Variants in LMNA observed in about 807,000 individuals in gnomAD.
The protein encoded by LMNA is lamin.
In LMNA, 20 loss-of-function variants were observed where a neutral mutation model predicts 70.4. That is an observed-to-expected ratio of 0.28 (90% CI 0.20 to 0.41). LMNA has a LOEUF of 0.41. Among genes scored for constraint, LMNA ranks in the 10% least tolerant of loss-of-function variants. The pLI, the probability that LMNA is intolerant of heterozygous loss-of-function variation, is 1.00. For synonymous variants in LMNA, 339 were observed against 372.8 expected, an observed-to-expected ratio of 0.91 and a Z score of 1.04; for missense variants, 652 against 917.2, an observed-to-expected ratio of 0.71 and a Z score of 3.73.
chr1:156,124,652 T>G (rs672200), intron 1 of LMNA, among the ~76,000 whole-genome samples: 15,851 of 152,156 alleles, frequency 0.1, 1,512 homozygotes, highest in African/African-American at 0.25. Context: ...GGGAGGGGAA[T>G]TCTCCACATC....
chr1:156,100,076 G>A (rs1649090485), intron 3 of LMNA, among the ~76,000 whole-genome samples: 1 of 152,064 alleles, frequency 6.6e-6, no homozygotes, highest in Admixed American at 6.6e-5. Flanking sequence ...ATACCACTCA[G>A]GACCCCTCTG....
At position 156,139,697 on chromosome 1, in the gene LMNA, C is replaced by T. The variant is rs991925730; in HGVS notation, c.*591C>T. 1.3e-6 allele frequency: 2 copies of T among 1,524,098 alleles called. No homozygotes were observed. Among genetic ancestry groups the T allele is most frequent in the Non-Finnish European group, 1.8e-6 (2 of 1,141,630 alleles). The allele number at this position is 1,524,098 out of a possible 1,614,324, so 94.4% of individuals were successfully genotyped here. A position where few individuals can be genotyped will look rare whatever the true frequency, so the allele number is the denominator to read the frequency against. ...TGCCTGCCCCGCCCCCAGTCCCCAC[C>T]CCTGCCCCCAGCCCCGGGGTGAGTC... On this transcript the variant is annotated 3_prime_UTR_variant, in exon 12 of 12. Coordinates refer to ENST00000368300, the MANE Select transcript of LMNA (RefSeq NM_170707.4).
Position 156,138,807 on chromosome 1 carries a change from A to C in LMNA, c.1968+50A>C. On this transcript the variant is annotated intron_variant, in intron 11 of 11. Transcript: ENST00000368300. The surrounding 1 kb of genome is among the most constrained non-coding windows in gnomAD (Gnocchi z 5.5). ...AAATCCTGCAGGCGGGTCCCTGGTC[A>C]TCGAGGGGTAGGACGAGGTGGCCTT... 1.9e-6 allele frequency: 3 copies of C among 1,611,200 alleles called. No homozygotes were observed. Among genetic ancestry groups the C allele is most frequent in the Non-Finnish European group, 2.5e-6 (3 of 1,178,678 alleles).
chr1:156,137,077 G>C lies in LMNA; in HGVS notation c.1489-36G>C. 6.2e-7 allele frequency: 1 copy of C among 1,614,122 alleles called. No homozygotes were observed. The highest frequency in any genetic ancestry group is 8.5e-7 in the Non-Finnish European group (1 of 1,179,986). ...TCTGGGGAGGCCTTGGGTGGCGATG[G>C]GAGCGCTGGGGTAAGTGTCCTTTTC... On this transcript the variant is annotated intron_variant, in intron 8 of 11. Coordinates refer to ENST00000368300, the MANE Select transcript of LMNA (RefSeq NM_170707.4). The surrounding 1 kb of genome is among the most constrained non-coding windows in gnomAD (Gnocchi z 4.6).
In LMNA at chr1:156,115,582, A is replaced by C. The variant is rs1009111954; in HGVS notation, c.356+308A>C. ...TCGGTCAGATTGGGATTTGCCAACT[A>C]TTTGGAGCCGGGGGGAGGGGCTTGA... On this transcript the variant is annotated intron_variant, in intron 1 of 11. Transcript: ENST00000368300. This position sits in a 1 kb window ranked among gnomAD's most constrained non-coding sequence, Gnocchi z 5.8. Among the ~76,000 whole-genome samples the C allele has an allele frequency of 1.3e-5, 2 of 152,166 alleles. No individual in the cohort carries two copies. The highest frequency in any genetic ancestry group is 4.8e-5 in the African/African-American group (2 of 41,440).
rs1006976558 is a variant in LMNA at position 156,139,590 on chromosome 1, A to G, written c.*484A>G. ...ACTGCCAGGCCAGCCTCCGAGAGGG[A>G]GAGAGAGAGAGAGAGGACAGCTTGA... On this transcript the variant is annotated 3_prime_UTR_variant, in exon 12 of 12. Coordinates refer to ENST00000368300, the MANE Select transcript of LMNA (RefSeq NM_170707.4). 211 of 878,396 alleles carry G rather than the reference A, an allele frequency of 2.4e-4. No homozygotes were observed. The highest frequency in any genetic ancestry group is 2.8e-4 in the Non-Finnish European group (193 of 694,886). 54.4% of individuals were successfully genotyped at this position (878,396 alleles called of 1,614,324 possible).
chr1:156,088,962 TATTG>T (rs1336486337), intron 2 of LMNA, among the ~76,000 whole-genome samples: 3 of 152,236 alleles, frequency 2.0e-5, no homozygotes, highest in Non-Finnish European at 2.9e-5. Context: ...TATTTTATTT[TATTG>T]ATTAATTTAT....
chr1:156,102,119 G>C (rs966815255), intron 3 of LMNA, among the ~76,000 whole-genome samples: 1 of 152,252 alleles, frequency 6.6e-6, no homozygotes, highest in Non-Finnish European at 1.5e-5. Context: ...TCCTGGCTCA[G>C]AAATACCCTG....
In LMNA at chr1:156,138,203, T is replaced by G; in HGVS notation, c.1699-285T>G. On this transcript the variant is annotated intron_variant, in intron 10 of 11. Coordinates refer to ENST00000368300, the MANE Select transcript of LMNA (RefSeq NM_170707.4). This position sits in a 1 kb window ranked among gnomAD's most constrained non-coding sequence, Gnocchi z 5.5. The stretch of plus-strand genomic sequence containing the variant: ...CTGCTGCCCTACAAGCTTGCTCCCG[T>G]TCTCTCTTCTTTTCCTCTTAAGCTC... 1 of 566,336 alleles carries G rather than the reference T, an allele frequency of 1.8e-6. No individual in the cohort carries two copies. 35.1% of individuals were successfully genotyped at this position (566,336 alleles called of 1,614,324 possible).
chr1:156,128,898 C>A (rs1328558986), intron 1 of LMNA, among the ~76,000 whole-genome samples: 1 of 152,190 alleles, frequency 6.6e-6, no homozygotes, highest in Non-Finnish European at 1.5e-5. Flanking sequence ...CCAAGGAGCT[C>A]GGAATCTAAG....
Position 156,126,897 on chromosome 1 carries a change from C to T in LMNA, c.357-3720C>T, listed in dbSNP as rs760318158. ...CACCCGGCCTGGGGCAGGACACGGG[C>T]GAAGCCAGGGTCTCCCCTGTGAGCA... On this transcript the variant is annotated intron_variant, in intron 1 of 11. Coordinates refer to ENST00000368300, the MANE Select transcript of LMNA (RefSeq NM_170707.4). The T allele has an allele frequency of 7.1e-5, 114 of 1,607,814 alleles. No homozygotes were observed. The highest frequency in any genetic ancestry group is 1.1e-4 in the South Asian group (10 of 89,702).
chr1:156,128,081 C>T (rs1293973332), intron 1 of LMNA, among the ~76,000 whole-genome samples: 1 of 152,104 alleles, frequency 6.6e-6, no homozygotes, highest in Non-Finnish European at 1.5e-5. Flanking sequence ...CTGCGGGACC[C>T]TAGATATAGC....
In LMNA at chr1:156,136,843, G is replaced by A. The variant is rs1422762043; in HGVS notation, c.1381-78G>A. The A allele has an allele frequency of 2.5e-6, 3 of 1,208,972 alleles. No homozygotes were observed. The Admixed American group carries it at 5.9e-5, about 24-fold the overall frequency. The allele number at this position is 1,208,972 out of a possible 1,614,324, so 74.9% of individuals were successfully genotyped here. A position where few individuals can be genotyped will look rare whatever the true frequency, so the allele number is the denominator to read the frequency against. On this transcript the variant is annotated intron_variant, in intron 7 of 11. Coordinates refer to ENST00000368300, the MANE Select transcript of LMNA (RefSeq NM_170707.4). The surrounding 1 kb of genome is among the most constrained non-coding windows in gnomAD (Gnocchi z 6.1). ...AGGCCTCAATTGCAGGCAGGCAGAG[G>A]GCTGGGCCTTTGAGCAAGATACACC... is the stretch of plus-strand genomic sequence containing the variant.
chr1:156,116,509 G>A (rs973932128), intron 1 of LMNA, among the ~76,000 whole-genome samples: 6 of 152,096 alleles, frequency 3.9e-5, no homozygotes, highest in Non-Finnish European at 7.4e-5. Context: ...TTGGAGATCC[G>A]TAAAGGGCTG....
chr1:156,112,503 GGGCT>G (rs1371433476), upstream of LMNA, among the ~76,000 whole-genome samples: 4 of 152,190 alleles, frequency 2.6e-5, no homozygotes. Flanking sequence ...TGCCAGGGAG[GGGCT>G]GAGGCAGTGG....
chr1:156,135,002 C>G lies in LMNA; in HGVS notation c.810+27C>G. The G allele has an allele frequency of 6.2e-7, 1 of 1,614,012 alleles. No homozygotes were observed. Among genetic ancestry groups the G allele is most frequent in the South Asian group, 1.1e-5 (1 of 91,064 alleles). On this transcript the variant is annotated intron_variant, in intron 4 of 11. Coordinates refer to ENST00000368300, the MANE Select transcript of LMNA (RefSeq NM_170707.4). The surrounding 1 kb of genome is among the most constrained non-coding windows in gnomAD (Gnocchi z 4.8). ...TGCTTGCTCTCGATTGGTTCCCTCA[C>G]TGCCTCTGCCCTTGGCAGCCCTACC...
In LMNA at chr1:156,138,467, G is replaced by T. The variant is rs1346530049; in HGVS notation, c.1699-21G>T. ...CAGTCCCAGACTCGCCGTCCCGCCT[G>T]AGCCTTGTCTCCCTTCCCAGGGCTC... On this transcript the variant is annotated intron_variant, in intron 10 of 11. Coordinates refer to ENST00000368300, the MANE Select transcript of LMNA (RefSeq NM_170707.4). This position sits in a 1 kb window ranked among gnomAD's most constrained non-coding sequence, Gnocchi z 5.5. 1 of 1,610,176 alleles carries T rather than the reference G, an allele frequency of 6.2e-7. No homozygotes were observed.
chr1:156,098,187 A>G (rs1270556040), intron 3 of LMNA, among the ~76,000 whole-genome samples: 1 of 152,180 alleles, frequency 6.6e-6, no homozygotes, highest in Non-Finnish European at 1.5e-5. Context: ...ATTCCCTTGT[A>G]GTAGAAGGGA....
At position 156,137,212 on chromosome 1, in the gene LMNA, C is replaced by G. The variant is rs780302064; in HGVS notation, c.1588C>G (p.Leu530Val). 5 of 1,592,338 alleles carry G rather than the reference C, an allele frequency of 3.1e-6. No individual in the cohort carries two copies. Among genetic ancestry groups the G allele is most frequent in the South Asian group, 2.3e-5 (2 of 88,742 alleles). The change falls in exon 9 of 12, where the codon CTC becomes GTC. Residue 530 changes from leucine to valine, a missense_variant. Leu to Val is a conservative substitution (Grantham distance 32, BLOSUM62 1). This residue lies in a region of LMNA where 327 missense variants were observed against 387.6 expected (regional missense o/e 0.84). Transcript: ENST00000368300. The surrounding 1 kb of genome is among the most constrained non-coding windows in gnomAD (Gnocchi z 4.6). ...CTGCGGGAACAGCCTGCGTACGGCT[C>G]TCATCAACTCCACTGGGGAAGTAAG... is the stretch of plus-strand genomic sequence containing the variant. ...WGCGNSLRTA[L>V]INSTGEEVAM...
Sources: allele counts gnomAD v4.1 joint callset (sites outside exome capture counted in the v4.1 genomes callset), GRCh38; gene constraint gnomAD v4.1.1; regional missense constraint gnomAD v4.1.1; non-coding constraint Gnocchi (gnomAD v3.1); transcripts MANE v1.5; gene names NCBI Gene and HGNC (gene_info 2026-07-23, HGNC 2026-07-21).